Variants in BICRAL observed in about 807,000 individuals in gnomAD.
BICRAL encodes the protein BRD4-interacting chromatin-remodeling complex-associated protein-like.
BICRAL carries 8 observed loss-of-function variants against 91.8 expected under a neutral mutation model. That is an observed-to-expected ratio of 0.09 (90% CI 0.05 to 0.16). BICRAL has a LOEUF of 0.16. Ranked by LOEUF, BICRAL falls within the 10% of genes least tolerant of loss-of-function variation. The probability of loss-of-function intolerance (pLI) is 1.00; values close to 1 mark genes in which losing one functional copy is unlikely to be tolerated. For synonymous variants in BICRAL, 445 were observed against 491.1 expected (o/e 0.91, Z 1.24); for missense variants, 1,038 against 1,310.9 (o/e 0.79, Z 3.21).
rs1307594846 is a variant in BICRAL, at chr6:42,865,475, CG to C, written c.*30del. 1.5e-6 allele frequency: 2 copies of C among 1,291,088 alleles called. No homozygotes were observed. The highest frequency in any genetic ancestry group is 4.7e-5 in the East Asian group (2 of 42,700). 80.0% of individuals were successfully genotyped at this position (1,291,088 alleles called of 1,614,324 possible). A position where few individuals can be genotyped will look rare whatever the true frequency, so the allele number is the denominator to read the frequency against. On this transcript the variant is annotated 3_prime_UTR_variant, in exon 13 of 13. Coordinates refer to ENST00000314073, the MANE Select transcript of BICRAL (RefSeq NM_001393499.1). ...CAGCAGTCCTCCCCCTACCCCGCCC[CG>C]AGACCCCACCCCGAGACCCCACCCC...
chr6:42,813,531 G>T (rs1235743518), intron 2 of BICRAL, among the ~76,000 whole-genome samples: 1 of 151,980 alleles, frequency 6.6e-6, no homozygotes, highest in Admixed American at 6.6e-5. Flanking sequence ...CACTTTTTGT[G>T]GGGGTGGGGA....
Position 42,857,091 on chromosome 6 carries a change from C to T in BICRAL, c.2109C>T (p.Phe703=). ...GACATTGACCATTTCCCTTGTAAAG[C>T]ATTCTCCAGCAGTTGCAGAGGGACC... ...PAAKQLTKGA[F]ILQQLQRDQA... The change falls in exon 10 of 13, where the codon TTC becomes TTT. Residue 703 remains phenylalanine, a splice_region_variant and synonymous_variant. Transcript: ENST00000314073. 1 of 1,608,914 alleles carries T rather than the reference C, an allele frequency of 6.2e-7. No homozygotes were observed. Among genetic ancestry groups the T allele is most frequent in the Non-Finnish European group, 8.5e-7 (1 of 1,177,414 alleles).
At chr6:42,828,280 A>C (rs1365882257) in intron 5 of BICRAL, among the ~76,000 whole-genome samples, 2 of 151,966 alleles carry the variant, frequency 1.3e-5, no homozygotes, top group Non-Finnish European at 2.9e-5. Flanking sequence ...AGGCGCCTGT[A>C]GTCCCAGCTA....
chr6:42,857,600 T>TAAAAAAAAA (rs748078737), intron 10 of BICRAL, among the ~76,000 whole-genome samples: 22 of 101,328 alleles, frequency 2.2e-4, no homozygotes, highest in South Asian at 3.0e-4. Flanking sequence ...CACTGTCTCT[T>TAAAAAAAAA]AAAAAAAAAA....
intron 1 of BICRAL, among the ~76,000 whole-genome samples, chr6:42,776,235 T>C (rs2113850636): frequency 6.6e-6 from 1 of 152,252 alleles, no homozygotes; most frequent in South Asian, 2.1e-4. Flanking sequence ...TTGACCAGGC[T>C]GGTCTCTTGG....
upstream of BICRAL, among the ~76,000 whole-genome samples, chr6:42,780,800 G>A (rs913326095): frequency 6.6e-6 from 1 of 151,866 alleles, no homozygotes; most frequent in Non-Finnish European, 1.5e-5. Flanking sequence ...TGCAATGCGC[G>A]ATCTCCGCTC....
chr6:42,789,294 A>G (rs552247596), intron 1 of BICRAL, among the ~76,000 whole-genome samples: 1 of 152,184 alleles, frequency 6.6e-6, no homozygotes, highest in South Asian at 2.1e-4. Flanking sequence ...GGTTTTCCCA[A>G]TCCTGGAAAA....
chr6:42,857,264 A>C, intron 10 of BICRAL, 28 bp downstream of exon 10: 1 of 1,585,598 alleles, frequency 6.3e-7, no homozygotes, highest in Non-Finnish European at 8.6e-7. Flanking sequence ...CTAAGGCACC[A>C]CTCTGATACC....
intron 6 of BICRAL, among the ~76,000 whole-genome samples, chr6:42,846,367 C>CA (rs1239103272): frequency 1.1e-4 from 16 of 149,412 alleles, no homozygotes; most frequent in Non-Finnish European, 1.9e-4. Flanking sequence ...GACTCCGGCT[C>CA]AAAAAAATAA....
chr6:42,768,080 G>C (rs1368297769), intron 1 of BICRAL, among the ~76,000 whole-genome samples: 1 of 152,144 alleles, frequency 6.6e-6, no homozygotes, highest in African/African-American at 2.4e-5. Flanking sequence ...AGAATGGATT[G>C]GAGTAGGGGA....
rs1765665449 is a variant in BICRAL, at chr6:42,864,944, A to G, written c.2738A>G (p.Gln913Arg). The change falls in exon 13 of 13, where the codon CAG (glutamine) becomes CGG (arginine). Residue 913 changes from glutamine to arginine, a missense_variant. Gln to Arg is a conservative substitution (Grantham distance 43). Transcript: ENST00000314073. Reference sequence around the variant, plus strand: ...AAATTTGACAAAGTGGGCTTAGTGCAGTACCAGAGCACGTCTGAAGAGAAG... The same window carrying G: ...AAATTTGACAAAGTGGGCTTAGTGCGGTACCAGAGCACGTCTGAAGAGAAG... ...ALKFDKVGLV[Q>R]YQSTSEEKAS... The G allele has an allele frequency of 6.2e-7, 1 of 1,614,206 alleles. No individual in the cohort carries two copies. The highest frequency in any genetic ancestry group is 8.5e-7 in the Non-Finnish European group (1 of 1,180,044).
At chr6:42,775,015 C>T (rs1236082256) in intron 1 of BICRAL, among the ~76,000 whole-genome samples, 1 of 152,004 alleles carries the variant, frequency 6.6e-6, no homozygotes, top group South Asian at 2.1e-4. Context: ...TAACTGCAAC[C>T]TCCGCCTCCC....
intron 6 of BICRAL, among the ~76,000 whole-genome samples, chr6:42,842,247 C>T (rs143130636): frequency 1.3e-5 from 2 of 152,160 alleles, no homozygotes; most frequent in Non-Finnish European, 2.9e-5. Context: ...AAAGTGCAGC[C>T]AGGATACAGA....
intron 11 of BICRAL, among the ~76,000 whole-genome samples, chr6:42,861,706 T>G (rs1765561075): frequency 6.6e-6 from 1 of 152,134 alleles, no homozygotes; most frequent in South Asian, 2.1e-4. Flanking sequence ...TTACTTAAAA[T>G]TATGCCACCA....
intron 1 of BICRAL, among the ~76,000 whole-genome samples, chr6:42,782,571 C>A (rs1228582987): frequency 7.2e-6 from 1 of 139,316 alleles, no homozygotes; most frequent in African/African-American, 2.7e-5. Flanking sequence ...CCTTTTTTTT[C>A]TTTTCCGCGG....
intron 6 of BICRAL, among the ~76,000 whole-genome samples, chr6:42,850,472 A>G (rs778796163): frequency 6.6e-6 from 1 of 151,848 alleles, no homozygotes; most frequent in Non-Finnish European, 1.5e-5. Flanking sequence ...GTGAGCTAAG[A>G]TCACGCCACT....
intron 1 of BICRAL, among the ~76,000 whole-genome samples, chr6:42,756,325 G>C (rs1022503027): frequency 6.6e-6 from 1 of 152,064 alleles, no homozygotes; most frequent in Admixed American, 6.6e-5. Flanking sequence ...TTATCTCCCT[G>C]GTTCTTTCTT....
At position 42,858,678 on chromosome 6, in the gene BICRAL, G is replaced by A. The variant is rs560011209; in HGVS notation, c.2254+1442G>A. On this transcript the variant is annotated intron_variant, in intron 10 of 12. Coordinates refer to ENST00000314073, the MANE Select transcript of BICRAL (RefSeq NM_001393499.1). ...ACTAAAAATACAAAATTAGCCAGGC[G>A]TGGTGGCACATGCCTGTAATTCCAG... is the stretch of plus-strand genomic sequence containing the variant. Among the ~76,000 whole-genome samples the A allele has an allele frequency of 4.6e-5, 7 of 151,912 alleles. No homozygotes were observed. The East Asian group carries it at 9.7e-4, about 21-fold the overall frequency.
intron 6 of BICRAL, among the ~76,000 whole-genome samples, chr6:42,850,435 A>G (rs684279): frequency 1 from 151,392 of 151,902 alleles, 75,446 homozygotes; most frequent in East Asian, 1. Flanking sequence ...CAGGAGAATC[A>G]CTTGAACCTG....
Sources: allele counts gnomAD v4.1 joint callset (sites outside exome capture counted in the v4.1 genomes callset), GRCh38; gene constraint gnomAD v4.1.1; transcripts MANE v1.5; gene names NCBI Gene and HGNC (gene_info 2026-07-23, HGNC 2026-07-21).